Variants in TTLL13 observed in about 807,000 individuals in gnomAD.
TTLL13 encodes the protein tubulin polyglutamylase TTLL13.
the TTLL13 span, chr15:90,263,200 A>G: frequency 7.0e-7 from 1 of 1,437,906 alleles, no homozygotes; most frequent in Non-Finnish European, 9.2e-7. Flanking sequence ...CTGTCATTCC[A>G]GGACATGGTG....
At chr15:90,265,085 G>A in the TTLL13 span, 2 of 1,345,270 alleles carry the variant, frequency 1.5e-6, no homozygotes, top group Non-Finnish European at 2.0e-6. Flanking sequence ...CCCTGCCCAG[G>A]AACCCCATTT....
chr15:90,260,595 G>A, the TTLL13 span, among the ~76,000 whole-genome samples: 1 of 152,154 alleles, frequency 6.6e-6, no homozygotes, highest in Admixed American at 6.5e-5. Context: ...ACTCAGGCCT[G>A]TAATCTCAGC....
At chr15:90,253,184 C>A in the TTLL13 span, 1 of 1,390,766 alleles carries the variant, frequency 7.2e-7, no homozygotes. Flanking sequence ...CCTGACCCAG[C>A]TACACAGTTC....
At chr15:90,249,743 G>C in the TTLL13 span, 1 of 152,238 alleles carries the variant, frequency 6.6e-6, no homozygotes, top group Non-Finnish European at 1.5e-5. Flanking sequence ...TGAGCGGCCA[G>C]CTGAGTCCAT....
the TTLL13 span, chr15:90,258,853 G>A: frequency 6.2e-7 from 1 of 1,614,182 alleles, no homozygotes. Flanking sequence ...GTGACAAAAG[G>A]AAGGTGATGG....
the TTLL13 span, chr15:90,265,090 C>A: frequency 7.5e-7 from 1 of 1,325,484 alleles, no homozygotes; most frequent in Non-Finnish European, 1.0e-6. Context: ...CCCAGGAACC[C>A]CATTTGTATA....
At chr15:90,250,593 C>T in the TTLL13 span, 3 of 1,598,346 alleles carry the variant, frequency 1.9e-6, no homozygotes, top group South Asian at 1.1e-5. Context: ...CTGATATACA[C>T]TTCATTCCCA....
At chr15:90,255,077 A>G in the TTLL13 span, among the ~76,000 whole-genome samples, 3 of 152,236 alleles carry the variant, frequency 2.0e-5, no homozygotes, top group African/African-American at 7.2e-5. Flanking sequence ...AGCACTTAGC[A>G]TACTCTTTGT....
the TTLL13 span, among the ~76,000 whole-genome samples, chr15:90,255,391 C>T: frequency 3.3e-5 from 5 of 152,094 alleles, no homozygotes; most frequent in Admixed American, 6.6e-5. Flanking sequence ...GGAATGCTTT[C>T]GTCTCATTGT....
At chr15:90,258,178 C>T in the TTLL13 span, 2 of 1,614,252 alleles carry the variant, frequency 1.2e-6, no homozygotes, top group African/African-American at 1.3e-5. Context: ...ACCTGTTTTC[C>T]CCAGTATCTG....
At chr15:90,264,545 T>G in the TTLL13 span, among the ~76,000 whole-genome samples, 1 of 152,018 alleles carries the variant, frequency 6.6e-6, no homozygotes, top group Non-Finnish European at 1.5e-5. Flanking sequence ...CAAGAGGTAA[T>G]AGGAACATGG....
At chr15:90,262,287 C>A in the TTLL13 span, 2 of 1,307,802 alleles carry the variant, frequency 1.5e-6, no homozygotes, top group Non-Finnish European at 1.0e-6. Flanking sequence ...CAGACACCAG[C>A]AAAGAGGAAT....
At chr15:90,262,053 G>A in the TTLL13 span, 198 of 1,535,938 alleles carry the variant, frequency 1.3e-4, 1 homozygote, top group South Asian at 2.0e-3. Flanking sequence ...GACCAGGAAC[G>A]ATATGAGGAT....
the TTLL13 span, chr15:90,258,694 C>T: frequency 6.6e-7 from 1 of 1,523,152 alleles, no homozygotes; most frequent in Non-Finnish European, 9.1e-7. Context: ...GAGGCCACCA[C>T]CTGCTCAGGT....
chr15:90,252,658 C>T, the TTLL13 span, among the ~76,000 whole-genome samples: 1 of 152,096 alleles, frequency 6.6e-6, no homozygotes, highest in Admixed American at 6.5e-5. Flanking sequence ...CAGTGTGACC[C>T]CACCTATAGG....
chr15:90,264,819 A>G, the TTLL13 span: 4 of 1,536,026 alleles, frequency 2.6e-6, no homozygotes, highest in South Asian at 2.4e-5. Flanking sequence ...CTGCAACCGG[A>G]AAGAGTGGCA....
At chr15:90,249,947 T>TTTTTTTTTTTA in the TTLL13 span, 1 of 147,664 alleles carries the variant, frequency 6.8e-6, no homozygotes, top group Admixed American at 6.8e-5. Context: ...CTGTATTTTA[T>TTTTTTTTTTTA]TTTATTTATT....
the TTLL13 span, chr15:90,264,715 T>A: frequency 1.3e-6 from 2 of 1,535,716 alleles, no homozygotes; most frequent in Non-Finnish European, 1.7e-6. Context: ...ATGTTTCCAC[T>A]GCAGAAGGAC....
the TTLL13 span, chr15:90,259,099 A>ATATC: frequency 1.4e-6 from 2 of 1,409,404 alleles, no homozygotes; most frequent in South Asian, 2.9e-5. Context: ...TTGGTGGCTC[A>ATATC]TATCTGTAAT....
Sources: gnomAD v4.1 joint callset for allele counts (sites outside exome capture counted in the v4.1 genomes callset) on GRCh38, gnomAD v4.1.1 for gene constraint, MANE v1.5 for transcripts, NCBI Gene and HGNC (gene_info 2026-07-23, HGNC 2026-07-21) for gene names.